EPS15L1: variants seen among roughly 807,000 people sequenced by gnomAD.
EPS15L1 encodes epidermal growth factor receptor substrate 15-like 1.
Under a neutral mutation model 117.1 loss-of-function variants are expected in EPS15L1, and 43 were observed. The ratio of observed to expected loss-of-function variants is 0.37; its 90% CI spans 0.29 to 0.47. The LOEUF (loss-of-function observed/expected upper bound fraction) is 0.47. Among genes scored for constraint, EPS15L1 ranks in the 20% least tolerant of loss-of-function variants. The pLI is 0.99. For synonymous variants in EPS15L1, 459 were observed against 470.5 expected (o/e 0.98, Z 0.32); for missense variants, 981 against 1,164.0 (o/e 0.84, Z 2.29).
At chr19:16,429,253 C>G (rs751765806) in intron 7 of EPS15L1, among the ~76,000 whole-genome samples, 1 of 152,156 alleles carries the variant, frequency 6.6e-6, no homozygotes, top group Admixed American at 6.5e-5. Context: ...TGTCAGGCCA[C>G]TCAGTGCGCT....
intron 1 of EPS15L1, chr19:16,443,466 T>C (rs965773946): frequency 6.6e-6 from 1 of 152,250 alleles, no homozygotes; most frequent in African/African-American, 2.4e-5. Flanking sequence ...CCCAGTACTT[T>C]GTGAGGCCAA....
intron 16 of EPS15L1, chr19:16,401,660 C>G: frequency 1.0e-6 from 1 of 985,406 alleles, no homozygotes; most frequent in African/African-American, 1.7e-5. Context: ...AAAGGTCACA[C>G]CTGTCTTGGT....
intron 15 of EPS15L1, 95 bp from the exon 16 acceptor site, chr19:16,402,580 C>T (rs1406099024): frequency 1.3e-5 from 15 of 1,191,288 alleles, no homozygotes; most frequent in Non-Finnish European, 1.6e-5. Flanking sequence ...CTCACTCTGT[C>T]ACCCAGACTG....
At chr19:16,376,791 G>A (rs941145385) in intron 22 of EPS15L1, among the ~76,000 whole-genome samples, 7 of 152,252 alleles carry the variant, frequency 4.6e-5, no homozygotes, top group African/African-American at 1.2e-4. Context: ...TAGCCAGGGC[G>A]TCGGGGTGGC....
chr19:16,424,632 G>A (rs1018116879), intron 9 of EPS15L1, among the ~76,000 whole-genome samples: 1 of 152,008 alleles, frequency 6.6e-6, no homozygotes, highest in African/African-American at 2.4e-5. Context: ...GTAACATAGG[G>A]GAGACCATGT....
At chr19:16,458,474 CATGCCTCT>C (rs2093217540) in intron 1 of EPS15L1, among the ~76,000 whole-genome samples, 1 of 145,992 alleles carries the variant, frequency 6.8e-6, no homozygotes, top group Non-Finnish European at 1.5e-5. Flanking sequence ...TTGCCCCATA[CATGCCTCT>C]ACAGAGCCTG....
intron 23 of EPS15L1, among the ~76,000 whole-genome samples, chr19:16,361,295 G>A (rs1227990799): frequency 6.6e-6 from 1 of 151,648 alleles, no homozygotes; most frequent in Non-Finnish European, 1.5e-5. Flanking sequence ...TCCCTGGCGC[G>A]ATCTGCCTGA....
At chr19:16,443,452 T>C (rs1197116884) in intron 1 of EPS15L1, 2 of 152,272 alleles carry the variant, frequency 1.3e-5, no homozygotes, top group African/African-American at 4.8e-5. Flanking sequence ...CTCACGCCTA[T>C]AATCCCAGTA....
intron 1 of EPS15L1, among the ~76,000 whole-genome samples, chr19:16,444,342 A>C (rs11878602): frequency 0.42 from 63,877 of 151,928 alleles, 15,783 homozygotes; most frequent in African/African-American, 0.69. Context: ...CAGCAGCCCC[A>C]AGATGGCTGC....
intron 1 of EPS15L1, among the ~76,000 whole-genome samples, chr19:16,442,539 G>A (rs1188136408): frequency 6.6e-6 from 1 of 152,146 alleles, no homozygotes; most frequent in East Asian, 1.9e-4. Flanking sequence ...TTCAGCTCCT[G>A]GAGAGCTCAG....
chr19:16,393,872 C>A, intron 18 of EPS15L1, 79 bp downstream of exon 18: 1 of 1,405,706 alleles, frequency 7.1e-7, no homozygotes, highest in South Asian at 1.2e-5. Flanking sequence ...TGTATGTGGA[C>A]ACAAGTCCCA....
chr19:16,453,247 A>AT (rs2093163641), intron 1 of EPS15L1, among the ~76,000 whole-genome samples: 1 of 151,966 alleles, frequency 6.6e-6, no homozygotes, highest in African/African-American at 2.4e-5. Context: ...CTATAAGTGC[A>AT]TGCCACCACA....
intron 1 of EPS15L1, among the ~76,000 whole-genome samples, chr19:16,464,729 T>TACACTA (rs149531973): frequency 0.27 from 40,462 of 148,460 alleles, 5,631 homozygotes; most frequent in Middle Eastern, 0.34. Context: ...ACACATAAAA[T>TACACTA]ACACTAACAC....
chr19:16,444,236 A>G (rs868331839), intron 1 of EPS15L1, among the ~76,000 whole-genome samples: 2 of 152,018 alleles, frequency 1.3e-5, no homozygotes, highest in African/African-American at 2.4e-5. Context: ...CTAGAATAAC[A>G]TGAAAAAGCA....
intron 16 of EPS15L1, chr19:16,401,838 G>A (rs767747929): frequency 3.4e-5 from 34 of 986,674 alleles, no homozygotes; most frequent in Middle Eastern, 1.0e-3. Flanking sequence ...ACCCTGGGGC[G>A]CTGCTTGCCA....
At chr19:16,417,889 T>A in intron 11 of EPS15L1, 59 bp downstream of exon 11, 3 of 1,565,570 alleles carry the variant, frequency 1.9e-6, no homozygotes, top group Non-Finnish European at 2.6e-6. Flanking sequence ...CAGTGCCACC[T>A]GGTGGCAGGC....
At chr19:16,386,317 G>T in intron 19 of EPS15L1, 86 bp from the exon 20 acceptor site, 1 of 1,043,168 alleles carries the variant, frequency 9.6e-7, no homozygotes, top group Non-Finnish European at 1.5e-6. Context: ...TGACGTCGAT[G>T]TACAACATCC....
At chr19:16,393,001 C>T (rs1339630820) in intron 18 of EPS15L1, among the ~76,000 whole-genome samples, 1 of 151,672 alleles carries the variant, frequency 6.6e-6, no homozygotes, top group Non-Finnish European at 1.5e-5. Flanking sequence ...ATAATTGCGC[C>T]ACTGCACTCC....
intron 12 of EPS15L1, among the ~76,000 whole-genome samples, chr19:16,417,217 G>A (rs1004609564): frequency 6.1e-5 from 9 of 147,468 alleles, no homozygotes; most frequent in South Asian, 2.2e-4. Context: ...CAGCTGCCAC[G>A]GGCTCTGCCC....
Sources: allele counts gnomAD v4.1 joint callset (sites outside exome capture counted in the v4.1 genomes callset), GRCh38; gene constraint gnomAD v4.1.1; transcripts MANE v1.5; gene names NCBI Gene and HGNC (gene_info 2026-07-23, HGNC 2026-07-21).